MACROD2: variants seen among roughly 807,000 people sequenced by gnomAD.
MACROD2 encodes the protein mono-ADP ribosylhydrolase 2.
In MACROD2, 36 loss-of-function variants were observed where a neutral mutation model predicts 70.4. The observed-to-expected ratio is 0.51, with a 90% CI of 0.39 to 0.68. MACROD2 has a LOEUF of 0.68. Ranked by LOEUF, MACROD2 falls within the 30% of genes least tolerant of loss-of-function variation. MACROD2 has a pLI of 0.00. For missense variants in MACROD2, 496 were observed against 538.4 expected, an observed-to-expected ratio of 0.92 and a Z score of 0.78; for synonymous variants, 172 against 178.8, an observed-to-expected ratio of 0.96 and a Z score of 0.30.
intron 4 of MACROD2, among the ~76,000 whole-genome samples, chr20:14,567,093 G>A (rs1342322052): frequency 5.9e-5 from 9 of 151,856 alleles, no homozygotes; most frequent in African/African-American, 2.2e-4. Context: ...TAGTAGCTAG[G>A]ACTACAGGTG....
chr20:15,893,047 C>T (rs1005635870), intron 10 of MACROD2: 3 of 398,872 alleles, frequency 7.5e-6, no homozygotes, highest in Admixed American at 8.8e-5. Flanking sequence ...AAAATTATGC[C>T]ATGAAAAGAA....
In MACROD2 at chr20:14,526,238, C is replaced by T. The variant is rs576767821; in HGVS notation, c.301+32730C>T. Among the ~76,000 whole-genome samples the T allele has an allele frequency of 6.6e-5, 10 of 152,218 alleles. 1 individual carries two copies. In the South Asian group the frequency reaches 1.5e-3, roughly 22 times the overall value. ...TATTTTTTCATACTGTCTCTAAATC[C>T]TAGTTTCCTTTCTTGTCATATTCTT... is the stretch of plus-strand genomic sequence containing the variant. On this transcript the variant is annotated intron_variant, in intron 4 of 17. Coordinates refer to ENST00000684519, the MANE Select transcript of MACROD2 (RefSeq NM_001351661.2).
At chr20:15,529,272 G>A (rs1209444127) in intron 8 of MACROD2, among the ~76,000 whole-genome samples, 2 of 137,044 alleles carry the variant, frequency 1.5e-5, no homozygotes, top group Non-Finnish European at 3.3e-5. Flanking sequence ...TGTGGGATGC[G>A]TGTGTGTGTG....
At chr20:15,207,208 T>C (rs2076716696) in intron 5 of MACROD2, among the ~76,000 whole-genome samples, 1 of 152,158 alleles carries the variant, frequency 6.6e-6, no homozygotes, top group African/African-American at 2.4e-5. Context: ...ACCCTCTCTG[T>C]TTCAAGAACT....
intron 7 of MACROD2, among the ~76,000 whole-genome samples, chr20:15,458,440 T>G (rs1002055064): frequency 6.6e-6 from 1 of 152,090 alleles, no homozygotes; most frequent in Non-Finnish European, 1.5e-5. Flanking sequence ...AGAGTCACCA[T>G]CAGTGATAAA....
At chr20:14,434,947 A>G (rs943669765) in intron 3 of MACROD2, among the ~76,000 whole-genome samples, 3 of 152,182 alleles carry the variant, frequency 2.0e-5, no homozygotes, top group Non-Finnish European at 2.9e-5. Context: ...AATCAGCTAC[A>G]GCTTGGCAAC....
At chr20:15,823,296 G>GTA (rs2063960008) in intron 8 of MACROD2, among the ~76,000 whole-genome samples, 1 of 143,996 alleles carries the variant, frequency 6.9e-6, no homozygotes, top group African/African-American at 2.7e-5. Flanking sequence ...GTGTGTGTGT[G>GTA]TGTGTGTGTG....
At chr20:14,927,602 A>G (rs1459395711) in intron 5 of MACROD2, among the ~76,000 whole-genome samples, 5 of 152,190 alleles carry the variant, frequency 3.3e-5, no homozygotes, top group Non-Finnish European at 7.3e-5. Flanking sequence ...GTGGCTCCAC[A>G]TTCATTACAG....
intron 16 of MACROD2, among the ~76,000 whole-genome samples, chr20:16,043,511 C>G (rs2067335458): frequency 1.3e-5 from 2 of 152,060 alleles, no homozygotes; most frequent in Non-Finnish European, 2.9e-5. Context: ...CTAATTAAAC[C>G]TACTGACCCT....
chr20:14,569,583 T>TC (rs1980050867), intron 4 of MACROD2, among the ~76,000 whole-genome samples: 3 of 151,898 alleles, frequency 2.0e-5, no homozygotes, highest in African/African-American at 7.2e-5. Flanking sequence ...CTTTTTTTTT[T>TC]CTCTTTCAAT....
At chr20:14,575,286 T>C (rs889165772) in intron 4 of MACROD2, among the ~76,000 whole-genome samples, 1 of 152,064 alleles carries the variant, frequency 6.6e-6, no homozygotes, top group Non-Finnish European at 1.5e-5. Context: ...GTACAAAGGG[T>C]GGCATCATTT....
At chr20:15,209,107 TGGTGGTGG>T (rs1439423319) in intron 5 of MACROD2, among the ~76,000 whole-genome samples, 6 of 142,862 alleles carry the variant, frequency 4.2e-5, no homozygotes, top group South Asian at 2.3e-4. Context: ...GTGGTGGTGG[TGGTGGTGG>T]TATTTATTTA....
At chr20:14,798,693 C>T (rs2072539788) in intron 5 of MACROD2, among the ~76,000 whole-genome samples, 2 of 152,070 alleles carry the variant, frequency 1.3e-5, no homozygotes, top group Admixed American at 6.6e-5. Context: ...TCTGACAAAT[C>T]CTTTCATTTC....
At chr20:15,225,966 A>T (rs990322152) in intron 5 of MACROD2, among the ~76,000 whole-genome samples, 1 of 152,224 alleles carries the variant, frequency 6.6e-6, no homozygotes, top group Non-Finnish European at 1.5e-5. Flanking sequence ...TTTTCTCTGG[A>T]GATAGTGCCA....
chr20:15,408,478 C>T (rs527600990), intron 6 of MACROD2, among the ~76,000 whole-genome samples: 21 of 152,200 alleles, frequency 1.4e-4, no homozygotes, highest in Non-Finnish European at 2.6e-4. Context: ...TTTTTATCTA[C>T]GGTTCCATGC....
At chr20:14,719,182 G>T (rs192592287) in intron 5 of MACROD2, among the ~76,000 whole-genome samples, 198 of 151,912 alleles carry the variant, frequency 1.3e-3, no homozygotes, top group African/African-American at 4.6e-3. Flanking sequence ...CAGTGAGCGA[G>T]ATCGCGCCAC....
intron 3 of MACROD2, among the ~76,000 whole-genome samples, chr20:14,467,767 A>G (rs931777410): frequency 6.6e-6 from 1 of 152,086 alleles, no homozygotes; most frequent in African/African-American, 2.4e-5. Flanking sequence ...CATTTCCCCT[A>G]AACACTGCTT....
intron 8 of MACROD2, among the ~76,000 whole-genome samples, chr20:15,623,465 AGAG>A: frequency 6.6e-6 from 1 of 152,288 alleles, no homozygotes; most frequent in Admixed American, 6.5e-5. Flanking sequence ...CAGATGACTG[AGAG>A]GAGGTTTGTA....
chr20:15,994,210 T>C (rs1401630065), intron 15 of MACROD2, among the ~76,000 whole-genome samples: 1 of 152,208 alleles, frequency 6.6e-6, no homozygotes, highest in Admixed American at 6.5e-5. Context: ...CTTGCTATTG[T>C]TTTATGGCAA....
Sources: allele counts gnomAD v4.1 joint callset (sites outside exome capture counted in the v4.1 genomes callset), GRCh38; gene constraint gnomAD v4.1.1; transcripts MANE v1.5; gene names NCBI Gene and HGNC (gene_info 2026-07-23, HGNC 2026-07-21).